Variants in HYDIN observed in about 807,000 individuals in gnomAD.
The protein encoded by HYDIN is axonemal central pair apparatus protein HYDIN.
Under a neutral mutation model 403.9 loss-of-function variants are expected in HYDIN, and 132 were observed. The ratio of observed to expected loss-of-function variants is 0.33; its 90% CI spans 0.28 to 0.38. The LOEUF (loss-of-function observed/expected upper bound fraction) is 0.38, where lower values mean the gene tolerates loss of function less well. Ranked by LOEUF, HYDIN falls within the 10% of genes least tolerant of loss-of-function variation. The pLI, the probability that HYDIN is intolerant of heterozygous loss-of-function variation, is 1.00. For missense variants in HYDIN, 2,827 were observed against 5,009.5 expected, an observed-to-expected ratio of 0.56 and a Z score of 13.15; for synonymous variants, 1,202 against 1,891.7, an observed-to-expected ratio of 0.64 and a Z score of 9.46.
chr16:70,943,680 G>T, intron 42 of HYDIN, 132 bp downstream of exon 42: 1 of 1,296,748 alleles, frequency 7.7e-7, no homozygotes, highest in Non-Finnish European at 1.0e-6. Context: ...CTGTCAAAAA[G>T]ACAAGCAAAC....
chr16:71,087,006 T>C (rs1274728346), intron 12 of HYDIN, among the ~76,000 whole-genome samples: 3 of 151,054 alleles, frequency 2.0e-5, no homozygotes, highest in African/African-American at 7.3e-5. Flanking sequence ...GAAGAGTCAA[T>C]GTTATTCAAA....
Position 71,205,343 on chromosome 16 carries a change from C to T in HYDIN, c.-23-18425G>A, listed in dbSNP as rs537107576. ...TGGAGCCAGGAGAGGCTCTCCAACA[C>T]GGGAAAGGGGAAGTGAGTGAGAACC... On this transcript the variant is annotated intron_variant, in intron 1 of 85. Coordinates refer to ENST00000393567, the MANE Select transcript of HYDIN (RefSeq NM_001270974.2). 6.6e-5 allele frequency among the ~76,000 whole-genome samples: 10 copies of T among 152,298 alleles called. No individual in the cohort carries two copies. In the East Asian group the frequency reaches 7.7e-4, roughly 12 times the overall value.
intron 10 of HYDIN, among the ~76,000 whole-genome samples, chr16:71,096,342 T>C (rs1338974116): frequency 2.6e-5 from 4 of 152,166 alleles, no homozygotes; most frequent in Non-Finnish European, 1.5e-5. Flanking sequence ...TTCCTAGGCA[T>C]GGTTGCATTT....
chr16:71,178,624 C>A (rs946873694), intron 4 of HYDIN, among the ~76,000 whole-genome samples: 1 of 151,698 alleles, frequency 6.6e-6, no homozygotes, highest in African/African-American at 2.4e-5. Flanking sequence ...AAATAAAAAC[C>A]TAGCCCAATT....
Position 70,806,815 on chromosome 16 carries a change from C to G in HYDIN, c.*765G>C, listed in dbSNP as rs2035126987. ...AAAGATGCCCACACCCCTCTCCAGA[C>G]CAATTACATCAGATGGGGACTGGGC... is the stretch of plus-strand genomic sequence containing the variant. On this transcript the variant is annotated 3_prime_UTR_variant, in exon 86 of 86. Coordinates refer to ENST00000393567, the MANE Select transcript of HYDIN (RefSeq NM_001270974.2). Among the ~76,000 whole-genome samples the G allele has an allele frequency of 6.6e-6, 1 of 152,154 alleles. No homozygotes were observed. Among genetic ancestry groups the G allele is most frequent in the Non-Finnish European group, 1.5e-5 (1 of 68,036 alleles).
intron 25 of HYDIN, among the ~76,000 whole-genome samples, chr16:70,989,737 C>T (rs1798497): frequency 2.0e-5 from 3 of 152,176 alleles, no homozygotes; most frequent in African/African-American, 2.4e-5. Flanking sequence ...TACAGTTCTC[C>T]GGTTCTCCCC....
chr16:71,002,679 ATT>A (rs11427002), intron 23 of HYDIN, among the ~76,000 whole-genome samples: 20 of 130,620 alleles, frequency 1.5e-4, no homozygotes, highest in Admixed American at 1.5e-4. Context: ...TTTGGAATTA[ATT>A]TTTTTTTTTT....
At chr16:71,102,981 A>C (rs1041858452) in intron 10 of HYDIN, among the ~76,000 whole-genome samples, 6 of 151,140 alleles carry the variant, frequency 4.0e-5, no homozygotes, top group African/African-American at 1.2e-4. Context: ...AGCATTATAG[A>C]GGTAATTTGA....
intron 21 of HYDIN, among the ~76,000 whole-genome samples, chr16:71,021,629 C>G (rs1447865121): frequency 1.3e-5 from 2 of 151,880 alleles, no homozygotes; most frequent in Non-Finnish European, 2.9e-5. Flanking sequence ...TTCTTGTATT[C>G]CCTAGAAAGA....
chr16:70,932,133 T>C (rs536314100), intron 45 of HYDIN, among the ~76,000 whole-genome samples: 120 of 141,060 alleles, frequency 8.5e-4, no homozygotes, highest in African/African-American at 3.0e-3. Flanking sequence ...GGTGGGTGGA[T>C]CACCTGAGGT....
intron 1 of HYDIN, among the ~76,000 whole-genome samples, chr16:71,197,455 A>G (rs974770727): frequency 6.6e-6 from 1 of 152,200 alleles, no homozygotes; most frequent in Non-Finnish European, 1.5e-5. Context: ...GCATTGTTAC[A>G]GTTTGATTGA....
chr16:71,009,297 G>A (rs2079996684), intron 23 of HYDIN, among the ~76,000 whole-genome samples: 2 of 148,888 alleles, frequency 1.3e-5, no homozygotes, highest in Non-Finnish European at 3.0e-5. Context: ...AGGTGCAGGT[G>A]ATGTTATTCA....
chr16:70,971,828 T>C (rs866019089), intron 35 of HYDIN, among the ~76,000 whole-genome samples: 64 of 151,620 alleles, frequency 4.2e-4, no homozygotes, highest in Middle Eastern at 3.4e-3. Context: ...TTTCATTCAT[T>C]TTCTTGAACA....
intron 15 of HYDIN, among the ~76,000 whole-genome samples, chr16:71,065,748 C>A (rs1053697884): frequency 6.6e-6 from 1 of 152,128 alleles, no homozygotes; most frequent in Non-Finnish European, 1.5e-5. Context: ...GGGCATAGCC[C>A]AGCACCAGGT....
chr16:70,944,384 A>C (rs1408402249), intron 41 of HYDIN, among the ~76,000 whole-genome samples: 1 of 152,254 alleles, frequency 6.6e-6, no homozygotes, highest in East Asian at 1.9e-4. Flanking sequence ...CTAGGAAGGA[A>C]ATAACCAGGT....
At chr16:71,024,864 T>C (rs1017001113) in intron 21 of HYDIN, among the ~76,000 whole-genome samples, 3 of 152,068 alleles carry the variant, frequency 2.0e-5, no homozygotes, top group African/African-American at 7.2e-5. Context: ...GCTTAACCTG[T>C]ATCTCAGTTT....
At chr16:70,848,563 G>T (rs2038382485) in intron 75 of HYDIN, among the ~76,000 whole-genome samples, 1 of 117,518 alleles carries the variant, frequency 8.5e-6, no homozygotes, top group South Asian at 3.4e-4. Flanking sequence ...GGCCAATAAA[G>T]TTTCTGCTCA....
chr16:71,181,963 T>C (rs913206492), intron 3 of HYDIN, among the ~76,000 whole-genome samples: 8 of 152,144 alleles, frequency 5.3e-5, no homozygotes, highest in African/African-American at 1.7e-4. Flanking sequence ...CTCTTTTAGA[T>C]AGGCAGTCAA....
chr16:71,199,249 T>C (rs1032592442), intron 1 of HYDIN, among the ~76,000 whole-genome samples: 2 of 152,242 alleles, frequency 1.3e-5, no homozygotes, highest in African/African-American at 4.8e-5. Flanking sequence ...GTCAGTTAAA[T>C]GTTTTTACAA....
Sources: allele counts gnomAD v4.1 joint callset (sites outside exome capture counted in the v4.1 genomes callset), GRCh38; gene constraint gnomAD v4.1.1; transcripts MANE v1.5; gene names NCBI Gene and HGNC (gene_info 2026-07-23, HGNC 2026-07-21).